The following CACNA1C variants were observed in gnomAD, a reference collection of about 807,000 sequenced individuals.
CACNA1C encodes the protein calcium voltage-gated channel subunit alpha1 C.
A neutral mutation model predicts 229.0 loss-of-function variants in CACNA1C; 30 were observed. The observed-to-expected ratio is 0.13, with a 90% confidence interval of 0.10 to 0.18. The LOEUF (loss-of-function observed/expected upper bound fraction) is 0.18. Ranked by LOEUF, CACNA1C falls within the 10% of genes least tolerant of loss-of-function variation. The pLI is 1.00. For synonymous variants in CACNA1C, 1,114 were observed against 1,132.5 expected (o/e 0.98, Z 0.33); for missense variants, 1,658 against 2,845.0 (o/e 0.58, Z 9.49).
At chr12:2,244,228 C>A (rs750841974) in intron 3 of CACNA1C, among the ~76,000 whole-genome samples, 1 of 152,218 alleles carries the variant, frequency 6.6e-6, no homozygotes, top group Non-Finnish European at 1.5e-5. Context: ...TCATTAATTT[C>A]ATTGTGAAGG....
intron 3 of CACNA1C, among the ~76,000 whole-genome samples, chr12:2,129,411 C>T (rs537491106): frequency 1.1e-4 from 17 of 152,248 alleles, no homozygotes; most frequent in African/African-American, 3.6e-4. Flanking sequence ...CGTTTGCCAG[C>T]GGATGGGAAA....
chr12:1,986,945 T>C (rs984978990), intron 1 of CACNA1C, among the ~76,000 whole-genome samples: 3 of 152,174 alleles, frequency 2.0e-5, no homozygotes, highest in African/African-American at 7.2e-5. Context: ...CTTTTTGCTA[T>C]GGGGGGTTAT....
chr12:2,107,736 G>T (rs964234568), intron 1 of CACNA1C, among the ~76,000 whole-genome samples: 1 of 152,178 alleles, frequency 6.6e-6, no homozygotes, highest in Non-Finnish European at 1.5e-5. Flanking sequence ...TTTGCATAGG[G>T]TGGTTAATTC....
chr12:2,546,843 G>C (rs2099882202), intron 9 of CACNA1C, among the ~76,000 whole-genome samples: 1 of 152,224 alleles, frequency 6.6e-6, no homozygotes. Flanking sequence ...GGTCTTTGCT[G>C]AATAGAATTG....
At chr12:2,299,164 T>A (rs1442381932) in intron 3 of CACNA1C, among the ~76,000 whole-genome samples, 2 of 152,230 alleles carry the variant, frequency 1.3e-5, no homozygotes, top group Non-Finnish European at 2.9e-5. Flanking sequence ...AAGACAACTT[T>A]ATGCGCTATG....
At chr12:2,041,585 T>A (rs1312856112) in intron 1 of CACNA1C, among the ~76,000 whole-genome samples, 1 of 152,078 alleles carries the variant, frequency 6.6e-6, no homozygotes, top group Non-Finnish European at 1.5e-5. Context: ...CCGCTAAGGG[T>A]ATTCTTGATA....
At position 2,697,315 on chromosome 12, in the gene CACNA1C, G is replaced by C. The variant is rs2153905171; in HGVS notation, c.*6116G>C. ...AACAGAGATGAGCATGTCTGGACAA[G>C]TCTGTGATGGTAGTGGATGAGAATA... is the stretch of plus-strand genomic sequence containing the variant. On this transcript the variant is annotated 3_prime_UTR_variant, in exon 47 of 47. Transcript: ENST00000399655. 1 of 152,324 alleles carries C rather than the reference G, an allele frequency of 6.6e-6. No individual in the cohort carries two copies. The allele number at this position is 152,324 out of a possible 1,614,324, so 9.4% of individuals were successfully genotyped here.
intron 5 of CACNA1C, among the ~76,000 whole-genome samples, chr12:2,475,629 A>G (rs181656393): frequency 1.7e-3 from 260 of 152,362 alleles, no homozygotes; most frequent in African/African-American, 6.1e-3. Context: ...CACAGCTGAA[A>G]ACAGTTATTG....
At chr12:2,090,166 A>G (rs1468641751) in intron 1 of CACNA1C, among the ~76,000 whole-genome samples, 1 of 152,206 alleles carries the variant, frequency 6.6e-6, no homozygotes, top group East Asian at 1.9e-4. Flanking sequence ...ACCTGATGTT[A>G]AAGTGGAATC....
chr12:2,383,514 G>A (rs1212636304), intron 3 of CACNA1C, among the ~76,000 whole-genome samples: 1 of 152,144 alleles, frequency 6.6e-6, no homozygotes, highest in East Asian at 1.9e-4. Context: ...AACCAGTGGA[G>A]TTATAAATGG....
intron 1 of CACNA1C, among the ~76,000 whole-genome samples, chr12:2,095,356 C>T (rs2073403040): frequency 6.6e-6 from 1 of 152,208 alleles, no homozygotes; most frequent in Non-Finnish European, 1.5e-5. Flanking sequence ...GACAGAGTCA[C>T]AGAGATGATC....
chr12:2,256,874 C>G (rs2078109583), intron 3 of CACNA1C, among the ~76,000 whole-genome samples: 1 of 152,118 alleles, frequency 6.6e-6, no homozygotes, highest in Non-Finnish European at 1.5e-5. Flanking sequence ...AGCATGCTAC[C>G]TTTTAAAATA....
intron 1 of CACNA1C, among the ~76,000 whole-genome samples, chr12:2,098,103 A>C (rs1431115326): frequency 6.6e-6 from 1 of 152,198 alleles, no homozygotes; most frequent in Non-Finnish European, 1.5e-5. Flanking sequence ...ATTCAGATTT[A>C]CTGACTTCTG....
At chr12:2,223,920 A>T (rs952770890) in intron 3 of CACNA1C, among the ~76,000 whole-genome samples, 4 of 152,238 alleles carry the variant, frequency 2.6e-5, no homozygotes, top group African/African-American at 9.6e-5. Context: ...TTATTTATAG[A>T]TATCCATAAC....
At chr12:2,128,070 C>T (rs979744602) in intron 3 of CACNA1C, among the ~76,000 whole-genome samples, 5 of 152,200 alleles carry the variant, frequency 3.3e-5, no homozygotes, top group Admixed American at 1.3e-4. Context: ...CCATAAATAT[C>T]TGCTGAGTGA....
At chr12:2,538,033 G>A (rs2099860155) in intron 9 of CACNA1C, among the ~76,000 whole-genome samples, 1 of 152,016 alleles carries the variant, frequency 6.6e-6, no homozygotes, top group Non-Finnish European at 1.5e-5. Flanking sequence ...TAGACTCCGT[G>A]GTGCCCTAAT....
intron 1 of CACNA1C, among the ~76,000 whole-genome samples, chr12:2,047,005 T>G (rs939785326): frequency 2.6e-5 from 4 of 152,252 alleles, no homozygotes; most frequent in Non-Finnish European, 5.9e-5. Flanking sequence ...CTTTGCTCTC[T>G]GAACCGTGGG....
rs528252396 is a variant in CACNA1C, at chr12:2,135,346, G to A, written c.477+14916G>A. Among the ~76,000 whole-genome samples, 58 of 146,740 alleles carry A rather than the reference G, an allele frequency of 4.0e-4. 2 individuals carry two copies. The South Asian group carries it at 0.011, about 29-fold the overall frequency. On this transcript the variant is annotated intron_variant, in intron 3 of 46. Transcript: ENST00000399655. Reference sequence around the variant, plus strand: ...TCCATCCAGCTTTGTTCTGTTGCTGGTGAGGAGCTGCGTTCCTTTGGAGGA... The same window carrying A: ...TCCATCCAGCTTTGTTCTGTTGCTGATGAGGAGCTGCGTTCCTTTGGAGGA...
intron 1 of CACNA1C, chr12:1,991,608 G>A (rs576284310): frequency 2.4e-5 from 5 of 205,996 alleles, no homozygotes; most frequent in African/African-American, 7.2e-5. Flanking sequence ...GTGCAGCTCC[G>A]TTTAGACTAG....
Sources: allele counts gnomAD v4.1 joint callset (sites outside exome capture counted in the v4.1 genomes callset), GRCh38; gene constraint gnomAD v4.1.1; transcripts MANE v1.5; gene names NCBI Gene and HGNC (gene_info 2026-07-23, HGNC 2026-07-21).